Variants in RCOR1 observed in about 807,000 individuals in gnomAD.
RCOR1 encodes REST corepressor.
In RCOR1, 12 loss-of-function variants were observed where a neutral mutation model predicts 64.0. The ratio of observed to expected loss-of-function variants is 0.19; its 90% CI spans 0.12 to 0.30. The LOEUF is 0.30. RCOR1 is among the 10% of genes least tolerant of loss of function. The pLI is 1.00. For missense variants in RCOR1, 502 were observed against 621.2 expected (o/e 0.81, Z 2.04); for synonymous variants, 279 against 227.2 (o/e 1.23, Z -2.05).
chr14:102,660,615 C>T (rs559514310), intron 2 of RCOR1, among the ~76,000 whole-genome samples: 2 of 152,276 alleles, frequency 1.3e-5, no homozygotes, highest in East Asian at 3.9e-4. Flanking sequence ...AGTGGTTCTC[C>T]CTACTTGGCC....
At position 102,593,079 on chromosome 14, in the gene RCOR1, C is replaced by T; in HGVS notation, c.193C>T (p.Pro65Ser). 2.1e-6 allele frequency: 3 copies of T among 1,440,170 alleles called. No individual in the cohort carries two copies. The highest frequency in any genetic ancestry group is 2.7e-6 in the Non-Finnish European group (3 of 1,092,810). 89.2% of individuals were successfully genotyped at this position (1,440,170 alleles called of 1,614,324 possible). The part of the protein sequence containing the change: ...SAAAASAAAA[P>S]NNGQNKSLAA... ...CGCCGCCGCCTCAGCCGCCGCCGCC[C>T]CCAATAATGGCCAGAATAAAAGTTT... Residue 65 changes from proline (P) to serine (S), a missense_variant, in exon 1 of 12, where the codon CCC (proline) becomes TCC (serine). Physicochemically the swap from Pro to Ser is moderately conservative, Grantham distance 74. This residue lies in a region of RCOR1 where 242 missense variants were observed against 204.9 expected (regional missense o/e 1.18). Coordinates refer to ENST00000262241, the MANE Select transcript of RCOR1 (RefSeq NM_015156.4).
intron 2 of RCOR1, among the ~76,000 whole-genome samples, chr14:102,641,036 G>A (rs773577105): frequency 1.3e-5 from 2 of 151,674 alleles, no homozygotes; most frequent in Non-Finnish European, 2.9e-5. Context: ...GGTGGATCAC[G>A]AGGTCAGGAG....
In RCOR1 at chr14:102,727,888, C is replaced by T. The variant is rs776089174; in HGVS notation, c.*1382C>T. On this transcript the variant is annotated 3_prime_UTR_variant, in exon 12 of 12. Coordinates refer to ENST00000262241, the MANE Select transcript of RCOR1 (RefSeq NM_015156.4). ...GCCTGCATTCTAACATACCCTGTTC[C>T]CACCCCACGGCCATTCAGACTGCAC... The T allele has an allele frequency of 7.9e-5, 12 of 152,536 alleles. No homozygotes were observed. Among genetic ancestry groups the T allele is most frequent in the African/African-American group, 2.7e-4 (11 of 41,446 alleles). 9.4% of individuals were successfully genotyped at this position (152,536 alleles called of 1,614,324 possible).
intron 2 of RCOR1, among the ~76,000 whole-genome samples, chr14:102,652,644 C>G (rs548996335): frequency 1.3e-5 from 2 of 152,284 alleles, no homozygotes; most frequent in African/African-American, 4.8e-5. Context: ...TGAAAATTCT[C>G]CAAACTACAT....
At chr14:102,718,448 C>G (rs938134971) in intron 8 of RCOR1, among the ~76,000 whole-genome samples, 3 of 152,150 alleles carry the variant, frequency 2.0e-5, no homozygotes, top group Non-Finnish European at 4.4e-5. Flanking sequence ...GGGCATGTCT[C>G]TTAAATTAGC....
At chr14:102,666,378 A>G (rs568144477) in intron 2 of RCOR1, among the ~76,000 whole-genome samples, 1 of 152,368 alleles carries the variant, frequency 6.6e-6, no homozygotes, top group East Asian at 1.9e-4. Context: ...AAGATAGTAC[A>G]AAGAGTTTCC....
chr14:102,635,468 C>T (rs1894216435), intron 2 of RCOR1, among the ~76,000 whole-genome samples: 1 of 152,168 alleles, frequency 6.6e-6, no homozygotes, highest in Admixed American at 6.5e-5. Flanking sequence ...CACTCCACTG[C>T]ACTCCAGTCT....
At chr14:102,638,443 T>A (rs1005697810) in intron 2 of RCOR1, among the ~76,000 whole-genome samples, 1 of 151,972 alleles carries the variant, frequency 6.6e-6, no homozygotes, top group African/African-American at 2.4e-5. Flanking sequence ...AGTGGTGTGA[T>A]CTCGGCTCAC....
intron 8 of RCOR1, 89 bp downstream of exon 8, chr14:102,714,706 C>T (rs1483408556): frequency 2.0e-5 from 21 of 1,028,978 alleles, no homozygotes; most frequent in Non-Finnish European, 2.8e-5. Context: ...GTTCTCTTTC[C>T]GCAAATCTCA....
At chr14:102,682,532 T>G (rs1895327782) in intron 3 of RCOR1, among the ~76,000 whole-genome samples, 1 of 152,254 alleles carries the variant, frequency 6.6e-6, no homozygotes, top group South Asian at 2.1e-4. Flanking sequence ...TAAATAAGTT[T>G]GCTTCCATAT....
intron 2 of RCOR1, among the ~76,000 whole-genome samples, chr14:102,631,834 T>G (rs1894118305): frequency 1.3e-5 from 2 of 152,184 alleles, no homozygotes; most frequent in South Asian, 4.1e-4. Context: ...AGGGTCTCAC[T>G]CTGTCGACCA....
intron 3 of RCOR1, among the ~76,000 whole-genome samples, chr14:102,692,753 CTTCT>C (rs1458212196): frequency 2.0e-4 from 27 of 133,122 alleles, no homozygotes; most frequent in Non-Finnish European, 3.6e-4. Flanking sequence ...TCCTTCCTTC[CTTCT>C]TTTTCTTTTT....
intron 2 of RCOR1, among the ~76,000 whole-genome samples, chr14:102,604,488 C>G (rs116653988): frequency 0.023 from 3,558 of 152,204 alleles, 133 homozygotes; most frequent in African/African-American, 0.076. Flanking sequence ...TAACACACAT[C>G]AAATCATTTG....
chr14:102,704,536 A>G (rs921230371), intron 4 of RCOR1, among the ~76,000 whole-genome samples: 1 of 152,196 alleles, frequency 6.6e-6, no homozygotes, highest in African/African-American at 2.4e-5. Context: ...GGTTCAAACA[A>G]TTCTCCTGCC....
chr14:102,677,195 G>A (rs1895193139), intron 2 of RCOR1, among the ~76,000 whole-genome samples: 1 of 138,652 alleles, frequency 7.2e-6, no homozygotes, highest in South Asian at 2.3e-4. Context: ...CGGGGCGGCT[G>A]GCCGGGCAGG....
intron 2 of RCOR1, among the ~76,000 whole-genome samples, chr14:102,644,198 A>G (rs1567419668): frequency 6.6e-6 from 1 of 152,212 alleles, no homozygotes; most frequent in Non-Finnish European, 1.5e-5. Context: ...TCACAACATT[A>G]TGGCCTCTGA....
chr14:102,634,977 G>A (rs751996971), intron 2 of RCOR1, among the ~76,000 whole-genome samples: 3 of 151,566 alleles, frequency 2.0e-5, no homozygotes, highest in Non-Finnish European at 4.4e-5. Flanking sequence ...CAAAGTGATA[G>A]GATTACAGGT....
chr14:102,701,979 T>C (rs1895765874), intron 4 of RCOR1, among the ~76,000 whole-genome samples: 1 of 152,262 alleles, frequency 6.6e-6, no homozygotes, highest in Non-Finnish European at 1.5e-5. Context: ...GATTTTCTTT[T>C]AAATATTGTT....
intron 2 of RCOR1, among the ~76,000 whole-genome samples, chr14:102,601,505 G>A (rs1893397518): frequency 2.0e-5 from 3 of 152,244 alleles, no homozygotes; most frequent in Admixed American, 6.5e-5. Flanking sequence ...GATAAAGAGA[G>A]GAAGGAGGTG....
Sources: gnomAD v4.1 joint callset for allele counts (sites outside exome capture counted in the v4.1 genomes callset) on GRCh38, gnomAD v4.1.1 for gene constraint, gnomAD v4.1.1 regional missense constraint, MANE v1.5 for transcripts, NCBI Gene and HGNC (gene_info 2026-07-23, HGNC 2026-07-21) for gene names.